Variants in KIAA1549L observed in about 807,000 individuals in gnomAD.
The protein encoded by KIAA1549L is KIAA1549 like.
In KIAA1549L, 88 loss-of-function variants were observed where a neutral mutation model predicts 160.7. That is an observed-to-expected ratio of 0.55 (90% confidence interval 0.46 to 0.65). The LOEUF is 0.65. Ranked by LOEUF, KIAA1549L falls within the 30% of genes least tolerant of loss-of-function variation. KIAA1549L has a pLI of 0.00. For missense variants in KIAA1549L, 2,258 were observed against 2,437.5 expected (o/e 0.93, Z 1.55); for synonymous variants, 950 against 976.7 (o/e 0.97, Z 0.51).
intron 8 of KIAA1549L, among the ~76,000 whole-genome samples, chr11:33,563,854 A>G (rs542509185): frequency 1.3e-5 from 2 of 152,304 alleles, no homozygotes; most frequent in South Asian, 4.1e-4. Flanking sequence ...TTTACATTAA[A>G]TGATAACTCA....
chr11:33,392,874 C>T (rs1477979469), intron 1 of KIAA1549L, among the ~76,000 whole-genome samples: 3 of 152,158 alleles, frequency 2.0e-5, no homozygotes, highest in Non-Finnish European at 4.4e-5. Context: ...CTGCTGATTG[C>T]ATTTCTGAAC....
chr11:33,522,103 CTA>C (rs1003134114), intron 1 of KIAA1549L, among the ~76,000 whole-genome samples: 1 of 152,020 alleles, frequency 6.6e-6, no homozygotes, highest in Non-Finnish European at 1.5e-5. Flanking sequence ...GGCAAGTAAA[CTA>C]TAAATGAAAA....
chr11:33,641,675 G>C (rs375828736), intron 16 of KIAA1549L, among the ~76,000 whole-genome samples: 1 of 137,732 alleles, frequency 7.3e-6, no homozygotes, highest in Non-Finnish European at 1.5e-5. Flanking sequence ...CAAACTGTCT[G>C]TGTTCAAATC....
intron 12 of KIAA1549L, among the ~76,000 whole-genome samples, chr11:33,593,670 T>C (rs1039037301): frequency 5.3e-5 from 8 of 152,058 alleles, no homozygotes; most frequent in Middle Eastern, 3.4e-3. Flanking sequence ...GTGACAGAAG[T>C]GGAGAGGAGT....
intron 1 of KIAA1549L, among the ~76,000 whole-genome samples, chr11:33,396,262 G>A (rs545708809): frequency 1.8e-4 from 28 of 152,148 alleles, no homozygotes; most frequent in Non-Finnish European, 3.8e-4. Context: ...GGGGGCTACT[G>A]GAGTTGCAGG....
intron 1 of KIAA1549L, among the ~76,000 whole-genome samples, chr11:33,435,752 C>T (rs1177214795): frequency 5.2e-5 from 3 of 57,580 alleles, no homozygotes; most frequent in South Asian, 1.4e-3. Flanking sequence ...AGAAACAGAA[C>T]CAATAAGATA....
At chr11:33,569,737 C>T (rs1855180037) in intron 9 of KIAA1549L, among the ~76,000 whole-genome samples, 1 of 152,172 alleles carries the variant, frequency 6.6e-6, no homozygotes, top group African/African-American at 2.4e-5. Context: ...TCTGAGATGA[C>T]CTTACCACGA....
At chr11:33,415,096 GGTGAAA>G (rs1850862519) in intron 1 of KIAA1549L, among the ~76,000 whole-genome samples, 1 of 151,728 alleles carries the variant, frequency 6.6e-6, no homozygotes, top group Non-Finnish European at 1.5e-5. Flanking sequence ...TGGTAAAACT[GGTGAAA>G]TACTAGATAA....
chr11:33,514,575 T>G (rs1443306018), intron 1 of KIAA1549L, among the ~76,000 whole-genome samples: 3 of 152,252 alleles, frequency 2.0e-5, no homozygotes, highest in African/African-American at 7.2e-5. Context: ...TACAGAGCAG[T>G]CTTTGCACAG....
At chr11:33,580,876 G>C (rs1313143388) in intron 10 of KIAA1549L, among the ~76,000 whole-genome samples, 3 of 152,216 alleles carry the variant, frequency 2.0e-5, no homozygotes, top group Non-Finnish European at 4.4e-5. Context: ...GCTAGGGCAT[G>C]TTGAGAAGAT....
At chr11:33,388,471 T>G (rs1301316076) in intron 1 of KIAA1549L, among the ~76,000 whole-genome samples, 2 of 152,206 alleles carry the variant, frequency 1.3e-5, no homozygotes, top group African/African-American at 4.8e-5. Flanking sequence ...CACCTTGCTA[T>G]TCTCTAGAGT....
At chr11:33,613,380 T>G (rs940725587) in intron 15 of KIAA1549L, among the ~76,000 whole-genome samples, 1 of 152,236 alleles carries the variant, frequency 6.6e-6, no homozygotes, top group African/African-American at 2.4e-5. Context: ...TTTCATATGC[T>G]TGTTGGCCAC....
At chr11:33,462,632 A>C (rs542736041) in intron 1 of KIAA1549L, among the ~76,000 whole-genome samples, 1 of 152,284 alleles carries the variant, frequency 6.6e-6, no homozygotes, top group South Asian at 2.1e-4. Flanking sequence ...CTTTGCTGCC[A>C]AATTGTTTGG....
At chr11:33,550,504 A>G (rs1455076247) in intron 4 of KIAA1549L, among the ~76,000 whole-genome samples, 2 of 152,214 alleles carry the variant, frequency 1.3e-5, no homozygotes, top group East Asian at 3.8e-4. Flanking sequence ...TCTCTGGTGC[A>G]TCCTGCCTTG....
intron 15 of KIAA1549L, among the ~76,000 whole-genome samples, chr11:33,612,607 T>C (rs1044640458): frequency 2.6e-5 from 4 of 152,030 alleles, no homozygotes; most frequent in African/African-American, 9.7e-5. Context: ...TAGTTTTTTT[T>C]TTTTTTCTTT....
intron 1 of KIAA1549L, among the ~76,000 whole-genome samples, chr11:33,471,784 AT>A (rs944099055): frequency 2.6e-5 from 4 of 152,206 alleles, no homozygotes; most frequent in African/African-American, 9.6e-5. Flanking sequence ...GTAGGTGCAG[AT>A]CTGGCATGGA....
At chr11:33,555,651 C>A (rs566667382) in intron 6 of KIAA1549L, among the ~76,000 whole-genome samples, 131 of 152,230 alleles carry the variant, frequency 8.6e-4, no homozygotes, top group African/African-American at 3.0e-3. Flanking sequence ...CACCATCTAC[C>A]AAAAGTAACT....
At position 33,543,421 on chromosome 11, in the gene KIAA1549L, C is replaced by T. The variant is rs747144153; in HGVS notation, c.1858C>T (p.Leu620Phe). 1.2e-6 allele frequency: 2 copies of T among 1,614,020 alleles called. No homozygotes were observed. The highest frequency in any genetic ancestry group is 2.2e-5 in the South Asian group (2 of 91,078). The change falls in exon 2 of 21, where the codon CTT (leucine) becomes TTT (phenylalanine). Residue 620 changes from leucine to phenylalanine, a missense_variant. Around this residue, in one of 6 missense-constraint regions of KIAA1549L, gnomAD observed 20 missense variants for 23.2 expected, o/e 0.86. Transcript: ENST00000658780. ...PIITAPRTNPLPSGPPLPSIL... is the reference protein window; with the variant it reads ...PIITAPRTNPFPSGPPLPSIL... ...CATTACAGCACCAAGGACGAATCCC[C>T]TTCCTTCAGGACCACCTCTACCTTC... is the stretch of plus-strand genomic sequence containing the variant.
chr11:33,578,743 G>A (rs1400148442), intron 10 of KIAA1549L, among the ~76,000 whole-genome samples: 1 of 152,148 alleles, frequency 6.6e-6, no homozygotes, highest in African/African-American at 2.4e-5. Flanking sequence ...GCCACATAGG[G>A]GTTTTCATCC....
Sources: gnomAD v4.1 joint callset for allele counts (sites outside exome capture counted in the v4.1 genomes callset) on GRCh38, gnomAD v4.1.1 for gene constraint, gnomAD v4.1.1 regional missense constraint, MANE v1.5 for transcripts, NCBI Gene and HGNC (gene_info 2026-07-23, HGNC 2026-07-21) for gene names.